CACNA2D1: variants seen among roughly 807,000 people sequenced by gnomAD.
CACNA2D1 encodes the protein voltage-dependent calcium channel subunit alpha-2/delta-1.
A neutral mutation model predicts 171.5 loss-of-function variants in CACNA2D1; 53 were observed. The ratio of observed to expected loss-of-function variants is 0.31; its 90% CI spans 0.25 to 0.39. The LOEUF (loss-of-function observed/expected upper bound fraction) is 0.39. CACNA2D1 is among the 10% of genes least tolerant of loss of function. The pLI, the probability that CACNA2D1 is intolerant of heterozygous loss-of-function variation, is 1.00. For synonymous variants in CACNA2D1, 442 were observed against 443.1 expected (o/e 1.00, Z 0.03); for missense variants, 903 against 1,299.8 (o/e 0.69, Z 4.69).
At chr7:81,959,639 T>A in intron 37 of CACNA2D1, 81 bp downstream of exon 37, 4 of 1,412,182 alleles carry the variant, frequency 2.8e-6, no homozygotes, top group Non-Finnish European at 3.9e-6. Flanking sequence ...GTTTTCTCTT[T>A]ATGAATATAA....
intron 3 of CACNA2D1, among the ~76,000 whole-genome samples, chr7:82,199,582 A>G (rs1035026745): frequency 6.6e-6 from 1 of 152,094 alleles, no homozygotes; most frequent in Non-Finnish European, 1.5e-5. Flanking sequence ...CCCTATTTAC[A>G]TTAGCAGAGA....
At chr7:81,971,361 G>A (rs1311931566) in intron 26 of CACNA2D1, among the ~76,000 whole-genome samples, 1 of 151,604 alleles carries the variant, frequency 6.6e-6, no homozygotes, top group Non-Finnish European at 1.5e-5. Context: ...AGAAAACATT[G>A]CTAGGAGAAA....
At chr7:82,415,040 G>A (rs2129455931) in intron 1 of CACNA2D1, among the ~76,000 whole-genome samples, 1 of 152,258 alleles carries the variant, frequency 6.6e-6, no homozygotes, top group East Asian at 1.9e-4. Flanking sequence ...GTCTTTAAAA[G>A]CCTAACGTTT....
chr7:82,297,573 A>G (rs1360294019), intron 3 of CACNA2D1, among the ~76,000 whole-genome samples: 1 of 152,220 alleles, frequency 6.6e-6, no homozygotes. Context: ...CATTGTAATT[A>G]TAGAATAAAA....
Position 82,118,854 on chromosome 7 carries a change from T to C in CACNA2D1, c.397-1681A>G, listed in dbSNP as rs182791367. On this transcript the variant is annotated intron_variant, in intron 5 of 38. Transcript: ENST00000356860. ...ATATTTTAAAAAAGAATAATAGTGC[T>C]ATTTCCATGGTTCTCCTTTTCTAGT... Among the ~76,000 whole-genome samples, 234 of 152,168 alleles carry C rather than the reference T, an allele frequency of 1.5e-3. 3 individuals are homozygous for C. Among genetic ancestry groups the C allele is most frequent in the East Asian group, 0.015 (77 of 5,172 alleles).
rs1563123113 is a variant in CACNA2D1 at position 82,150,284 on chromosome 7, A to AAAAAAAAC, written c.355-13616_355-13609dup. On this transcript the variant is annotated intron_variant, in intron 4 of 38. Transcript: ENST00000356860. ...AAAAAAAAAAACAAAAACAACAACA[A>AAAAAAAAC]AAAAAAACACCCTAGTAGCTGGGTT... Among the ~76,000 whole-genome samples, 53 of 137,432 alleles carry AAAAAAAAC rather than the reference A, an allele frequency of 3.9e-4. 1 individual carries two copies. The highest frequency in any genetic ancestry group is 6.9e-4 in the Non-Finnish European group (43 of 62,642). The allele number at this position is 137,432 out of a possible 152,430, so 90.2% of individuals were successfully genotyped here. A position where few individuals can be genotyped will look rare whatever the true frequency, so the allele number is the denominator to read the frequency against.
At position 82,226,578 on chromosome 7, in the gene CACNA2D1, C is replaced by A. The variant is rs1209668535; in HGVS notation, c.295-55969G>T. 2.6e-5 allele frequency among the ~76,000 whole-genome samples: 4 copies of A among 152,200 alleles called. No homozygotes were observed. In the East Asian group the frequency reaches 7.7e-4, roughly 29 times the overall value. ...TTAAAAAGCAATTGAGCCACAGAAC[C>A]ATTGGTGTCGGCCTCCTGAGTACAG... On this transcript the variant is annotated intron_variant, in intron 3 of 38. Transcript: ENST00000356860.
chr7:82,039,485 A>G (rs549115009), intron 10 of CACNA2D1, among the ~76,000 whole-genome samples: 1 of 152,352 alleles, frequency 6.6e-6, no homozygotes, highest in South Asian at 2.1e-4. Context: ...CTACAAATGT[A>G]AATCATTTCG....
At chr7:82,116,277 A>G (rs1181750191) in intron 6 of CACNA2D1, among the ~76,000 whole-genome samples, 1 of 151,790 alleles carries the variant, frequency 6.6e-6, no homozygotes, top group Admixed American at 6.6e-5. Flanking sequence ...ATTCTCAGAC[A>G]TGATAGAGCT....
At chr7:82,264,521 T>C (rs2129338099) in intron 3 of CACNA2D1, among the ~76,000 whole-genome samples, 1 of 152,352 alleles carries the variant, frequency 6.6e-6, no homozygotes, top group South Asian at 2.1e-4. Context: ...GAAAAGCAGC[T>C]TAGTGTCAGC....
At chr7:82,333,549 CTTACTA>C (rs565066907) in intron 3 of CACNA2D1, among the ~76,000 whole-genome samples, 367 of 152,018 alleles carry the variant, frequency 2.4e-3, no homozygotes, top group Non-Finnish European at 4.4e-3. Context: ...TCTCATGAGA[CTTACTA>C]TTACGGGAAC....
In CACNA2D1 at chr7:81,949,858, T is replaced by C. The variant is rs143810802; in HGVS notation, c.*534A>G. ...TCATGGCAAATTTTTCATAGAAAAT[T>C]AGCCATTATTTATATTTCAACAATT... On this transcript the variant is annotated 3_prime_UTR_variant, in exon 39 of 39. Coordinates refer to ENST00000356860, the MANE Select transcript of CACNA2D1 (RefSeq NM_000722.4). 0.011 allele frequency: 1,715 copies of C among 152,602 alleles called. 25 individuals are homozygous for C. The highest frequency in any genetic ancestry group is 0.016 in the Non-Finnish European group (1,119 of 68,276). The allele number at this position is 152,602 out of a possible 1,614,324, so 9.5% of individuals were successfully genotyped here.
intron 6 of CACNA2D1, among the ~76,000 whole-genome samples, chr7:82,116,410 C>T (rs1789048636): frequency 6.6e-6 from 1 of 152,182 alleles, no homozygotes; most frequent in South Asian, 2.1e-4. Flanking sequence ...TTTTTTACCC[C>T]ATCCCTTTTT....
At chr7:82,420,174 T>C (rs1828586507) in intron 1 of CACNA2D1, among the ~76,000 whole-genome samples, 1 of 152,200 alleles carries the variant, frequency 6.6e-6, no homozygotes, top group Non-Finnish European at 1.5e-5. Flanking sequence ...CATTAATAGT[T>C]ATGTTCAGTC....
intron 3 of CACNA2D1, among the ~76,000 whole-genome samples, chr7:82,253,141 GATTTGACTTTCAAAATA>G (rs144456302): frequency 0.012 from 1,860 of 152,270 alleles, 26 homozygotes; most frequent in Middle Eastern, 0.061. Context: ...GCTTATACTG[GATTTGACTTTCAAAATA>G]ATTTGGATTT....
intron 3 of CACNA2D1, among the ~76,000 whole-genome samples, chr7:82,282,752 A>T (rs1349082905): frequency 6.6e-6 from 1 of 152,252 alleles, no homozygotes; most frequent in South Asian, 2.1e-4. Context: ...CCAAAACAAT[A>T]AAATTGATTC....
chr7:82,257,543 A>G (rs1806453601), intron 3 of CACNA2D1, among the ~76,000 whole-genome samples: 1 of 152,232 alleles, frequency 6.6e-6, no homozygotes, highest in Admixed American at 6.5e-5. Context: ...GGTTGCAACA[A>G]TGAGATCACA....
At chr7:82,392,264 C>T (rs912538973) in intron 1 of CACNA2D1, among the ~76,000 whole-genome samples, 3 of 152,148 alleles carry the variant, frequency 2.0e-5, no homozygotes, top group African/African-American at 7.2e-5. Flanking sequence ...CGTGCTCCCC[C>T]ATTATGAGCT....
intron 22 of CACNA2D1, 36 bp from the exon 23 acceptor site, chr7:81,983,370 C>CAA (rs370937261): frequency 3.9e-5 from 53 of 1,344,524 alleles, no homozygotes; most frequent in African/African-American, 1.6e-4. Context: ...AGCAGGGAAA[C>CAA]AAAAAAAAAA....
Sources: allele counts gnomAD v4.1 joint callset (sites outside exome capture counted in the v4.1 genomes callset), GRCh38; gene constraint gnomAD v4.1.1; transcripts MANE v1.5; gene names NCBI Gene and HGNC (gene_info 2026-07-23, HGNC 2026-07-21).